PRSS36: variants seen among roughly 807,000 people sequenced by gnomAD.
PRSS36 encodes the protein polyserase-2.
PRSS36 carries 90 observed loss-of-function variants against 94.3 expected under a neutral mutation model. That is an observed-to-expected ratio of 0.95 (90% CI 0.80 to 1.14). The LOEUF (loss-of-function observed/expected upper bound fraction) is 1.14, where lower values mean the gene tolerates loss of function less well. Among genes scored for constraint, PRSS36 ranks in the 50% most tolerant of loss-of-function variants. The pLI, the probability that PRSS36 is intolerant of heterozygous loss-of-function variation, is 0.00. For synonymous variants in PRSS36, 500 were observed against 489.6 expected, an observed-to-expected ratio of 1.02 and a Z score of -0.28; for missense variants, 1,158 against 1,135.0, an observed-to-expected ratio of 1.02 and a Z score of -0.29.
In PRSS36 at chr16:31,139,338, G is replaced by A. The variant is rs149910948; in HGVS notation, c.2368C>T (p.Arg790Trp). 1.3e-5 allele frequency: 21 copies of A among 1,613,990 alleles called. No homozygotes were observed. The highest frequency in any genetic ancestry group is 1.7e-5 in the Admixed American group (1 of 59,992). Residue 790 changes from arginine (R) to tryptophan (W), a missense_variant, in exon 15 of 15, where the codon CGG becomes TGG. Coordinates refer to ENST00000268281, the MANE Select transcript of PRSS36 (RefSeq NM_173502.5). ...ILVGMAVQGS[R>W]ELFAAIGPEE... ...GGACCAATGGCAGCAAACAGCTCCCGGCTCCCTTGAACAGCCATGCCCACG... is the reference window on the plus strand; with the variant it reads ...GGACCAATGGCAGCAAACAGCTCCCAGCTCCCTTGAACAGCCATGCCCACG...
chr16:31,150,042 A>T lies in PRSS36; in HGVS notation c.-7T>A. On this transcript the variant is annotated 5_prime_UTR_variant, in exon 1 of 15. Coordinates refer to ENST00000268281, the MANE Select transcript of PRSS36 (RefSeq NM_173502.5). The stretch of plus-strand genomic sequence containing the variant: ...GGAGCAGGTGCCGGGCCATGGCGCT[A>T]GAGTCAGCGGAGGCAGAGCCAAGTG... 1 of 1,613,748 alleles carries T rather than the reference A, an allele frequency of 6.2e-7. No individual in the cohort carries two copies. Among genetic ancestry groups the T allele is most frequent in the Admixed American group, 1.7e-5 (1 of 59,990 alleles).
Position 31,141,849 on chromosome 16 carries a change from T to C in PRSS36, c.1633A>G (p.Thr545Ala). The C allele has an allele frequency of 6.2e-7, 1 of 1,613,966 alleles. No individual in the cohort carries two copies. ...LRPRAFFPLQ[T>A]HGPWISHVTR... Reference sequence around the variant, plus strand: ...ACATGGCTGATCCATGGGCCATGAGTCTGCAGAGGGAAGAAGGCTCGGGGA... The same window carrying C: ...ACATGGCTGATCCATGGGCCATGAGCCTGCAGAGGGAAGAAGGCTCGGGGA... The change falls in exon 11 of 15, where the codon ACT (threonine) becomes GCT (alanine). Residue 545 changes from threonine (T) to alanine (A), a missense_variant. Transcript: ENST00000268281.
At chr16:31,147,145 G>A (rs189205007) in intron 5 of PRSS36, among the ~76,000 whole-genome samples, 241 of 152,088 alleles carry the variant, frequency 1.6e-3, no homozygotes, top group African/African-American at 5.6e-3. Context: ...CTTCATGGCC[G>A]GGCCACAGCA....
rs2057859659 is a variant in PRSS36, at chr16:31,149,240, A to C, written c.110-5T>G. ...AGGGCTCAGGGCGCCCGCAGTCTGC[A>C]ACGGGGAGCCGTGGAAGCCAAAGCT... On this transcript the variant is annotated splice_polypyrimidine_tract_variant and splice_region_variant and intron_variant, in intron 3 of 14. Transcript: ENST00000268281. 2 of 1,550,552 alleles carry C rather than the reference A, an allele frequency of 1.3e-6. No homozygotes were observed. The highest frequency in any genetic ancestry group is 1.7e-6 in the Non-Finnish European group (2 of 1,147,890).
rs1260137103 is a variant in PRSS36, at chr16:31,142,528, C to T, written c.1474G>A (p.Ala492Thr). ...TTTTCCTGGTAGGCAGGGCAGAGCG[C>T]GTGCGGCGGGTCTCCGGGCAGCGGT... ...AVPLPGDPPH[A>T]LCPAYQEKEE... Residue 492 changes from alanine (A) to threonine (T), a missense_variant, in exon 10 of 15, where the codon GCG (alanine) becomes ACG (threonine). Physicochemically the swap from Ala to Thr is moderately conservative, Grantham distance 58 (BLOSUM62 0). Coordinates refer to ENST00000268281, the MANE Select transcript of PRSS36 (RefSeq NM_173502.5). The T allele has an allele frequency of 1.7e-5, 26 of 1,516,246 alleles. No homozygotes were observed. In the East Asian group the frequency reaches 6.6e-4, roughly 39 times the overall value. The allele number at this position is 1,516,246 out of a possible 1,614,324, so 93.9% of individuals were successfully genotyped here.
In PRSS36 at chr16:31,150,038, C is replaced by A; in HGVS notation, c.-3G>T. On this transcript the variant is annotated 5_prime_UTR_variant, in exon 1 of 15. Transcript: ENST00000268281. ...GGGAGGAGCAGGTGCCGGGCCATGGCGCTAGAGTCAGCGGAGGCAGAGCCA... is the reference window on the plus strand; with the variant it reads ...GGGAGGAGCAGGTGCCGGGCCATGGAGCTAGAGTCAGCGGAGGCAGAGCCA... The A allele has an allele frequency of 6.2e-7, 1 of 1,613,756 alleles. No homozygotes were observed. Among genetic ancestry groups the A allele is most frequent in the Non-Finnish European group, 8.5e-7 (1 of 1,179,928 alleles).
chr16:31,149,233 A>T lies in PRSS36; in HGVS notation c.112T>A (p.Cys38Ser). The T allele has an allele frequency of 6.4e-7, 1 of 1,555,066 alleles. No homozygotes were observed. ...PTQEEPEDLD[C>S]GRPEPSARIV... ...CGGGCCGAGGGCTCAGGGCGCCCGC[A>T]GTCTGCAACGGGGAGCCGTGGAAGC... The change falls in exon 4 of 15, where the codon TGC becomes AGC. Residue 38 changes from cysteine to serine, a missense_variant and splice_region_variant. Coordinates refer to ENST00000268281, the MANE Select transcript of PRSS36 (RefSeq NM_173502.5).
chr16:31,146,611 C>T (rs544790413), intron 5 of PRSS36, among the ~76,000 whole-genome samples: 15 of 151,988 alleles, frequency 9.9e-5, no homozygotes, highest in South Asian at 2.1e-4. Context: ...CTGCTTTTGA[C>T]GGAAACAGCT....
chr16:31,148,338 T>C (rs2057828623), intron 5 of PRSS36, 57 bp downstream of exon 5: 2 of 1,463,944 alleles, frequency 1.4e-6, no homozygotes, highest in Non-Finnish European at 1.8e-6. Context: ...CCTAGGAACC[T>C]CACCTCTCGA....
Position 31,143,838 on chromosome 16 carries a change from C to G in PRSS36, c.721-1G>C. 6.2e-7 allele frequency: 1 copy of G among 1,613,132 alleles called. No individual in the cohort carries two copies. The highest frequency in any genetic ancestry group is 8.5e-7 in the Non-Finnish European group (1 of 1,179,976). On this transcript the variant is annotated splice_acceptor_variant, in intron 6 of 14. Coordinates refer to ENST00000268281, the MANE Select transcript of PRSS36 (RefSeq NM_173502.5). LOFTEE classifies it high-confidence loss of function. ...AGACCAGGGGCCCCCCAGAGTCACCCTAGTGGCAGATGACTGCATGTCAAG... is the reference window on the plus strand; with the variant it reads ...AGACCAGGGGCCCCCCAGAGTCACCGTAGTGGCAGATGACTGCATGTCAAG...
intron 5 of PRSS36, 64 bp from the exon 6 acceptor site, chr16:31,146,019 C>G: frequency 6.7e-7 from 1 of 1,503,732 alleles, no homozygotes; most frequent in Middle Eastern, 1.9e-4. Flanking sequence ...TCCCAGGGTT[C>G]AGGTTTGCCT....
chr16:31,144,742 A>G (rs2057771123), intron 6 of PRSS36, among the ~76,000 whole-genome samples: 1 of 151,814 alleles, frequency 6.6e-6, no homozygotes, highest in African/African-American at 2.4e-5. Flanking sequence ...GTGAGCCAAG[A>G]TCGTGCCATT....
At chr16:31,144,484 C>CT (rs949133726) in intron 6 of PRSS36, among the ~76,000 whole-genome samples, 1 of 152,224 alleles carries the variant, frequency 6.6e-6, no homozygotes, top group Non-Finnish European at 1.5e-5. Context: ...CAGTTTGTCT[C>CT]TTTTTTTGGG....
intron 4 of PRSS36, among the ~76,000 whole-genome samples, 191 bp from the exon 5 acceptor site, chr16:31,148,866 AG>A (rs953882620): frequency 2.6e-5 from 4 of 152,142 alleles, no homozygotes; most frequent in African/African-American, 4.8e-5. Context: ...GATGGGATTC[AG>A]ACCCGGATAT....
intron 6 of PRSS36, among the ~76,000 whole-genome samples, chr16:31,144,426 C>G (rs555884862): frequency 6.6e-6 from 1 of 152,310 alleles, no homozygotes; most frequent in East Asian, 1.9e-4. Flanking sequence ...CCACGTGCCT[C>G]GGTCTCCTAA....
chr16:31,145,755 G>A (rs776294757), intron 6 of PRSS36, 34 bp downstream of exon 6: 54 of 1,598,564 alleles, frequency 3.4e-5, no homozygotes, highest in Admixed American at 1.4e-4. Context: ...TAGGACTCTG[G>A]CCCTGCCAGG....
chr16:31,142,348 G>GCC, intron 10 of PRSS36, 133 bp downstream of exon 10: 1 of 1,039,794 alleles, frequency 9.6e-7, no homozygotes, highest in Non-Finnish European at 1.3e-6. Context: ...CCTCCCTAGA[G>GCC]CCCACTCGGA....
At chr16:31,139,626 T>C (rs1226739023) in intron 14 of PRSS36, among the ~76,000 whole-genome samples, 3 of 152,062 alleles carry the variant, frequency 2.0e-5, no homozygotes, top group African/African-American at 4.8e-5. Flanking sequence ...ACACCTCTAA[T>C]CCCAACCCTT....
intron 5 of PRSS36, among the ~76,000 whole-genome samples, chr16:31,147,119 A>G (rs1029182306): frequency 6.6e-6 from 1 of 152,050 alleles, no homozygotes; most frequent in African/African-American, 2.4e-5. Flanking sequence ...TCTGGCCCTC[A>G]GTCTGATCTT....
Sources: gnomAD v4.1 joint callset for allele counts (sites outside exome capture counted in the v4.1 genomes callset) on GRCh38, gnomAD v4.1.1 for gene constraint, MANE v1.5 for transcripts, NCBI Gene and HGNC (gene_info 2026-07-23, HGNC 2026-07-21) for gene names.